ENTREP2: variants seen among roughly 807,000 people sequenced by gnomAD.
ENTREP2 encodes the protein protein ENTREP2.
chr15:29,351,899 A>T, the ENTREP2 span, among the ~76,000 whole-genome samples: 1 of 152,050 alleles, frequency 6.6e-6, no homozygotes, highest in African/African-American at 2.4e-5. Flanking sequence ...TCCACCTCCC[A>T]AAGCACTGGG....
chr15:29,136,798 G>T, the ENTREP2 span, among the ~76,000 whole-genome samples: 1 of 151,996 alleles, frequency 6.6e-6, no homozygotes, highest in East Asian at 1.9e-4. Flanking sequence ...ACTGCAACGT[G>T]ACCGCAGCTT....
the ENTREP2 span, among the ~76,000 whole-genome samples, chr15:29,558,299 G>A: frequency 1.3e-5 from 2 of 152,066 alleles, no homozygotes; most frequent in African/African-American, 2.4e-5. Context: ...GAATGGCTCT[G>A]CTGTTTCCCA....
At chr15:29,455,375 T>A in the ENTREP2 span, among the ~76,000 whole-genome samples, 1 of 152,226 alleles carries the variant, frequency 6.6e-6, no homozygotes, top group Non-Finnish European at 1.5e-5. Context: ...AAGTAGTTGC[T>A]GGTAGAAGCC....
the ENTREP2 span, chr15:29,570,630 C>A: frequency 7.0e-7 from 1 of 1,425,102 alleles, no homozygotes. Context: ...AGCGCCAGCA[C>A]GATGCGGGAG....
chr15:29,299,019 A>T, the ENTREP2 span, among the ~76,000 whole-genome samples: 151 of 152,350 alleles, frequency 9.9e-4, no homozygotes, highest in African/African-American at 3.6e-3. Context: ...AGTAATGTCC[A>T]TGGAAATAAA....
the ENTREP2 span, among the ~76,000 whole-genome samples, chr15:29,139,622 G>C: frequency 6.6e-6 from 1 of 152,212 alleles, no homozygotes. Flanking sequence ...AGAGGTGCAA[G>C]GGACCCTCTC....
the ENTREP2 span, chr15:29,151,866 G>A: frequency 2.0e-6 from 3 of 1,517,922 alleles, no homozygotes; most frequent in African/African-American, 4.4e-5. Context: ...GCAGGAGAAT[G>A]TCAGCCTCAT....
chr15:29,605,701 T>TGG, the ENTREP2 span, among the ~76,000 whole-genome samples: 13 of 151,452 alleles, frequency 8.6e-5, no homozygotes, highest in Non-Finnish European at 1.3e-4. Context: ...CTGGGCATGA[T>TGG]GGGGGGGTGC....
the ENTREP2 span, among the ~76,000 whole-genome samples, chr15:29,434,569 A>G: frequency 5.3e-5 from 8 of 152,332 alleles, no homozygotes; most frequent in South Asian, 1.7e-3. Flanking sequence ...TCACACAGAC[A>G]CATCCACATG....
chr15:29,650,007 G>A, the ENTREP2 span, among the ~76,000 whole-genome samples: 2 of 152,106 alleles, frequency 1.3e-5, no homozygotes, highest in Non-Finnish European at 2.9e-5. Context: ...AAAAAATTGT[G>A]ATGGTGGGAC....
the ENTREP2 span, among the ~76,000 whole-genome samples, chr15:29,583,409 G>A: frequency 6.6e-6 from 1 of 152,168 alleles, no homozygotes; most frequent in Non-Finnish European, 1.5e-5. Context: ...AAACATGCAT[G>A]TTCTTACTTA....
chr15:29,134,811 G>A, the ENTREP2 span, among the ~76,000 whole-genome samples: 3 of 152,298 alleles, frequency 2.0e-5, no homozygotes, highest in East Asian at 1.9e-4. Context: ...CCTGGCTTGC[G>A]TGCATGTGGG....
chr15:29,497,074 GAT>G, the ENTREP2 span, among the ~76,000 whole-genome samples: 10 of 152,248 alleles, frequency 6.6e-5, no homozygotes, highest in Non-Finnish European at 1.0e-4. Flanking sequence ...CATTAATGCT[GAT>G]TATAAAAGGG....
chr15:29,250,328 C>G, the ENTREP2 span, among the ~76,000 whole-genome samples: 75,588 of 151,998 alleles, frequency 0.5, 20,589 homozygotes, highest in South Asian at 0.62. Context: ...GGCAGAGGGA[C>G]ACCTAGGATC....
At chr15:29,284,974 T>C in the ENTREP2 span, among the ~76,000 whole-genome samples, 1 of 152,060 alleles carries the variant, frequency 6.6e-6, no homozygotes, top group Non-Finnish European at 1.5e-5. Flanking sequence ...CTAGCCCCAA[T>C]CTCAGCATAC....
chr15:29,234,028 T>A, the ENTREP2 span: 1 of 1,474,428 alleles, frequency 6.8e-7, no homozygotes, highest in Non-Finnish European at 9.5e-7. Flanking sequence ...CACCTCTGGG[T>A]CAAGATCTTC....
the ENTREP2 span, among the ~76,000 whole-genome samples, chr15:29,245,589 C>G: frequency 2.6e-4 from 39 of 150,836 alleles, no homozygotes; most frequent in Non-Finnish European, 4.4e-4. Context: ...AGCCAGTTTC[C>G]TTAACATAAG....
the ENTREP2 span, among the ~76,000 whole-genome samples, chr15:29,261,033 C>G: frequency 6.6e-6 from 1 of 151,940 alleles, no homozygotes; most frequent in South Asian, 2.1e-4. Context: ...AAATAGATTA[C>G]GCAATAAAAA....
the ENTREP2 span, among the ~76,000 whole-genome samples, chr15:29,138,679 G>GTGCATGTAGA: frequency 7.3e-6 from 1 of 137,276 alleles, no homozygotes; most frequent in African/African-American, 2.9e-5. Context: ...GTGTCTCTGT[G>GTGCATGTAGA]TGTATGTGTA....
Sources: gnomAD v4.1 joint callset for allele counts (sites outside exome capture counted in the v4.1 genomes callset) on GRCh38, gnomAD v4.1.1 for gene constraint, MANE v1.5 for transcripts, NCBI Gene and HGNC (gene_info 2026-07-23, HGNC 2026-07-21) for gene names.